Variants in IPCEF1 observed in about 807,000 individuals in gnomAD.
IPCEF1 encodes interactor protein for cytohesin exchange factors 1.
A neutral mutation model predicts 50.9 loss-of-function variants in IPCEF1; 31 were observed. The observed-to-expected ratio is 0.61, with a 90% CI of 0.46 to 0.82. The LOEUF is 0.82. Ranked by LOEUF, IPCEF1 falls within the 40% of genes least tolerant of loss-of-function variation. The pLI, the probability that IPCEF1 is intolerant of heterozygous loss-of-function variation, is 0.00. For missense variants in IPCEF1, 458 were observed against 514.0 expected, an observed-to-expected ratio of 0.89 and a Z score of 1.05; for synonymous variants, 181 against 192.0, an observed-to-expected ratio of 0.94 and a Z score of 0.47.
At chr6:154,277,810 C>T (rs746842600) in intron 2 of IPCEF1, among the ~76,000 whole-genome samples, 2 of 151,994 alleles carry the variant, frequency 1.3e-5, no homozygotes, top group African/African-American at 2.4e-5. Flanking sequence ...TGAGATTTTC[C>T]GCTTGTCTTT....
intron 1 of IPCEF1, among the ~76,000 whole-genome samples, chr6:154,294,020 T>C (rs1047091516): frequency 7.2e-5 from 11 of 152,224 alleles, no homozygotes; most frequent in African/African-American, 2.4e-4. Context: ...AAATAAAGAC[T>C]GATGTCTATT....
intron 1 of IPCEF1, among the ~76,000 whole-genome samples, chr6:154,290,754 C>A (rs544247294): frequency 6.6e-6 from 1 of 152,138 alleles, no homozygotes; most frequent in East Asian, 1.9e-4. Flanking sequence ...CTAAAGAGGA[C>A]AGTAAAAATA....
chr6:154,167,149 G>A (rs959837351), intron 11 of IPCEF1, among the ~76,000 whole-genome samples: 2 of 152,176 alleles, frequency 1.3e-5, no homozygotes, highest in Non-Finnish European at 2.9e-5. Flanking sequence ...TTCACTTACA[G>A]AATCTATCAA....
chr6:154,190,535 C>G (rs1423674182), intron 10 of IPCEF1, among the ~76,000 whole-genome samples: 1 of 152,174 alleles, frequency 6.6e-6, no homozygotes, highest in East Asian at 1.9e-4. Flanking sequence ...TGTGAAGCAA[C>G]AGGAACTCTC....
intron 1 of IPCEF1, among the ~76,000 whole-genome samples, chr6:154,347,443 T>C (rs1784052846): frequency 6.6e-6 from 1 of 152,226 alleles, no homozygotes; most frequent in Admixed American, 6.5e-5. Context: ...TTCCTAGAGC[T>C]ATTTGATTAA....
chr6:154,317,548 C>CAAAAAAAAAAAAAAAAAA lies in IPCEF1; in HGVS notation c.-61-27810_-61-27793dup, dbSNP rs71021041. On this transcript the variant is annotated intron_variant, in intron 1 of 11. Coordinates refer to ENST00000367220, the MANE Select transcript of IPCEF1 (RefSeq NM_001130700.2). ...TGGGCGACAGTGAGAGACTCCATCT[C>CAAAAAAAAAAAAAAAAAA]AAAAAAAAAAAAAAAAAAAAAAAAA... is the stretch of plus-strand genomic sequence containing the variant. 3.7e-4 allele frequency among the ~76,000 whole-genome samples: 6 copies of CAAAAAAAAAAAAAAAAAA among 16,314 alleles called. 1 individual carries two copies. Among genetic ancestry groups the CAAAAAAAAAAAAAAAAAA allele is most frequent in the Non-Finnish European group, 5.8e-4 (6 of 10,394 alleles). The allele number at this position is 16,314 out of a possible 152,430, so 10.7% of individuals were successfully genotyped here. A position where few individuals can be genotyped will look rare whatever the true frequency, so the allele number is the denominator to read the frequency against.
chr6:154,181,394 T>A (rs536355522), intron 10 of IPCEF1, among the ~76,000 whole-genome samples: 26 of 152,308 alleles, frequency 1.7e-4, no homozygotes, highest in Non-Finnish European at 3.2e-4. Context: ...TGAGAAGTGT[T>A]AAATTAAAAT....
At chr6:154,298,524 G>A (rs923330187) in intron 1 of IPCEF1, among the ~76,000 whole-genome samples, 3 of 152,164 alleles carry the variant, frequency 2.0e-5, no homozygotes, top group Admixed American at 6.5e-5. Flanking sequence ...GTTCATTGAA[G>A]AAACAGACTG....
chr6:154,259,400 C>A (rs1583915126), intron 3 of IPCEF1, among the ~76,000 whole-genome samples: 1 of 152,208 alleles, frequency 6.6e-6, no homozygotes, highest in East Asian at 1.9e-4. Context: ...CGCCTGTAAT[C>A]CCAGAATTTT....
chr6:154,180,794 G>A (rs1764911071), intron 10 of IPCEF1, among the ~76,000 whole-genome samples: 1 of 152,100 alleles, frequency 6.6e-6, no homozygotes, highest in South Asian at 2.1e-4. Flanking sequence ...TTTCTTATCA[G>A]AATTTGAAAG....
chr6:154,188,875 G>A (rs1801615297), intron 10 of IPCEF1, among the ~76,000 whole-genome samples: 1 of 152,070 alleles, frequency 6.6e-6, no homozygotes, highest in Admixed American at 6.6e-5. Flanking sequence ...GTGGACTAAC[G>A]TTTATAAAAT....
chr6:154,350,904 A>G (rs1408569156), intron 1 of IPCEF1, among the ~76,000 whole-genome samples: 1 of 151,960 alleles, frequency 6.6e-6, no homozygotes, highest in Non-Finnish European at 1.5e-5. Flanking sequence ...TTGTTTTTGT[A>G]GAGATGGGAT....
At position 154,168,219 on chromosome 6, in the gene IPCEF1, T is replaced by C. The variant is rs916690672; in HGVS notation, c.911-106A>G. ...AGGCACGGCCCCACTGGCACCCTCA[T>C]CTCAGACTTCTCTCCGGAACTGAAA... On this transcript the variant is annotated intron_variant, in intron 10 of 11. Coordinates refer to ENST00000367220, the MANE Select transcript of IPCEF1 (RefSeq NM_001130700.2). The surrounding 1 kb of genome is among the most constrained non-coding windows in gnomAD (Gnocchi z 4.1). The C allele has an allele frequency of 5.4e-6, 4 of 739,540 alleles. No homozygotes were observed. The highest frequency in any genetic ancestry group is 8.5e-6 in the Non-Finnish European group (4 of 469,392). The allele number at this position is 739,540 out of a possible 1,614,324, so 45.8% of individuals were successfully genotyped here. A position where few individuals can be genotyped will look rare whatever the true frequency, so the allele number is the denominator to read the frequency against.
At chr6:154,221,705 C>A (rs1778876040) in intron 6 of IPCEF1, among the ~76,000 whole-genome samples, 2 of 152,020 alleles carry the variant, frequency 1.3e-5, no homozygotes, top group African/African-American at 4.8e-5. Context: ...AACCCCGTCT[C>A]TACTAAATAT....
chr6:154,161,034 C>T (rs183915838), intron 11 of IPCEF1, among the ~76,000 whole-genome samples: 34 of 152,252 alleles, frequency 2.2e-4, no homozygotes, highest in Non-Finnish European at 3.8e-4. Context: ...TTTGACTTCC[C>T]AGTCTAATGT....
chr6:154,298,234 G>T (rs1451505081), intron 1 of IPCEF1, among the ~76,000 whole-genome samples: 1 of 152,070 alleles, frequency 6.6e-6, no homozygotes, highest in Non-Finnish European at 1.5e-5. Flanking sequence ...TCAGATTCAG[G>T]ATCCTCTGGC....
chr6:154,307,318 G>A (rs1782960976), intron 1 of IPCEF1, among the ~76,000 whole-genome samples: 1 of 152,140 alleles, frequency 6.6e-6, no homozygotes, highest in Non-Finnish European at 1.5e-5. Context: ...GGGTTTCTCT[G>A]CACAAGCTCT....
At chr6:154,180,374 T>C (rs1378918069) in intron 10 of IPCEF1, among the ~76,000 whole-genome samples, 1 of 145,166 alleles carries the variant, frequency 6.9e-6, no homozygotes, top group East Asian at 1.9e-4. Context: ...TGAGCTAGTT[T>C]AACAACAACA....
At chr6:154,234,674 T>C (rs1779978784) in intron 5 of IPCEF1, among the ~76,000 whole-genome samples, 1 of 152,204 alleles carries the variant, frequency 6.6e-6, no homozygotes, top group East Asian at 1.9e-4. Flanking sequence ...TCACCTCTTC[T>C]AGCTAGCCAC....
Sources: gnomAD v4.1 joint callset for allele counts (sites outside exome capture counted in the v4.1 genomes callset) on GRCh38, gnomAD v4.1.1 for gene constraint, Gnocchi (gnomAD v3.1) non-coding constraint, MANE v1.5 for transcripts, NCBI Gene and HGNC (gene_info 2026-07-23, HGNC 2026-07-21) for gene names.